Variants in IQCM observed in about 807,000 individuals in gnomAD.
The protein encoded by IQCM is IQ motif containing M, also known as IQ domain-containing protein M.
Under a neutral mutation model 57.6 loss-of-function variants are expected in IQCM, and 45 were observed. That is an observed-to-expected ratio of 0.78 (90% CI 0.62 to 1.00). The LOEUF (loss-of-function observed/expected upper bound fraction) is 1.00, where lower values mean the gene tolerates loss of function less well. IQCM is among the 50% of genes least tolerant of loss of function. The probability of loss-of-function intolerance (pLI) is 0.00; values close to 1 mark genes in which losing one functional copy is unlikely to be tolerated. For synonymous variants in IQCM, 148 were observed against 158.9 expected (o/e 0.93, Z 0.51); for missense variants, 468 against 511.6 (o/e 0.91, Z 0.82).
intron 7 of IQCM, among the ~76,000 whole-genome samples, chr4:149,658,639 C>T (rs1373068885): frequency 1.3e-5 from 2 of 152,040 alleles, no homozygotes. Flanking sequence ...TTTATTTGTG[C>T]CTTCCTCAAT....
At chr4:149,569,928 T>C (rs1750997246) in intron 9 of IQCM, among the ~76,000 whole-genome samples, 1 of 152,122 alleles carries the variant, frequency 6.6e-6, no homozygotes, top group South Asian at 2.1e-4. Context: ...GCTTTTTCTT[T>C]GAATCAATTT....
intron 12 of IQCM, among the ~76,000 whole-genome samples, chr4:149,453,814 C>A (rs1447924317): frequency 6.6e-6 from 1 of 151,748 alleles, no homozygotes; most frequent in Admixed American, 6.6e-5. Flanking sequence ...TTTGTCGGTT[C>A]TTCAGTATGC....
chr4:149,452,663 T>A (rs960265536), intron 12 of IQCM, among the ~76,000 whole-genome samples: 27 of 151,630 alleles, frequency 1.8e-4, no homozygotes, highest in Non-Finnish European at 4.0e-4. Context: ...TGTATACCCA[T>A]GAAACTATCA....
At chr4:149,384,056 A>G (rs1188593678) in intron 13 of IQCM, among the ~76,000 whole-genome samples, 1 of 152,182 alleles carries the variant, frequency 6.6e-6, no homozygotes, top group Non-Finnish European at 1.5e-5. Flanking sequence ...GATAAAAAGT[A>G]TATCTTCTCA....
intron 5 of IQCM, among the ~76,000 whole-genome samples, chr4:149,729,557 C>T (rs2149878881): frequency 6.6e-6 from 1 of 152,098 alleles, no homozygotes; most frequent in East Asian, 1.9e-4. Flanking sequence ...TCACTGCAAC[C>T]TCCGCTTCCC....
intron 7 of IQCM, among the ~76,000 whole-genome samples, chr4:149,646,531 G>T (rs1357852308): frequency 1.3e-5 from 2 of 152,008 alleles, no homozygotes; most frequent in Non-Finnish European, 1.5e-5. Flanking sequence ...GGACAAAAAA[G>T]ATATGTAAGC....
intron 13 of IQCM, among the ~76,000 whole-genome samples, chr4:149,364,038 G>C (rs1293513488): frequency 6.6e-6 from 1 of 152,026 alleles, no homozygotes; most frequent in Non-Finnish European, 1.5e-5. Flanking sequence ...AGAGACATAT[G>C]GTAAAGAAGA....
At chr4:149,445,194 T>C (rs933627509) in intron 12 of IQCM, among the ~76,000 whole-genome samples, 2 of 151,816 alleles carry the variant, frequency 1.3e-5, no homozygotes, top group Non-Finnish European at 2.9e-5. Context: ...TGTGGTCTTC[T>C]TGGTTCAAAG....
At chr4:149,520,737 A>T (rs1177161231) in intron 12 of IQCM, among the ~76,000 whole-genome samples, 1 of 152,204 alleles carries the variant, frequency 6.6e-6, no homozygotes, top group Non-Finnish European at 1.5e-5. Context: ...TACCATCTGG[A>T]TAATGCCAAG....
In IQCM at chr4:149,539,243, A is replaced by G. The variant is rs1427045894; in HGVS notation, c.1228+9212T>C. ...AGCAATAAGAAAGAATATAGTACTTAAAATATGTTACAACATGGATGAACT... is the reference window on the plus strand; with the variant it reads ...AGCAATAAGAAAGAATATAGTACTTGAAATATGTTACAACATGGATGAACT... On this transcript the variant is annotated intron_variant, in intron 12 of 13. Coordinates refer to ENST00000636793, the MANE Select transcript of IQCM (RefSeq NM_001363507.2). 2.0e-5 allele frequency among the ~76,000 whole-genome samples: 3 copies of G among 152,308 alleles called. No homozygotes were observed. In the East Asian group the frequency reaches 5.8e-4, roughly 29 times the overall value.
intron 12 of IQCM, among the ~76,000 whole-genome samples, chr4:149,522,456 A>T (rs1224686832): frequency 6.6e-5 from 10 of 152,232 alleles, no homozygotes; most frequent in South Asian, 6.2e-4. Context: ...ATAACGTAAG[A>T]AAACATACCA....
intron 12 of IQCM, among the ~76,000 whole-genome samples, chr4:149,442,038 T>C (rs766076895): frequency 2.6e-5 from 4 of 152,114 alleles, no homozygotes; most frequent in Non-Finnish European, 5.9e-5. Context: ...AAAATACCTA[T>C]CTGTTCCTTA....
At chr4:149,770,505 C>A (rs983065902) in intron 2 of IQCM, among the ~76,000 whole-genome samples, 1 of 152,016 alleles carries the variant, frequency 6.6e-6, no homozygotes, top group Non-Finnish European at 1.5e-5. Context: ...AACCTATGGA[C>A]GATATCCTTT....
intron 12 of IQCM, among the ~76,000 whole-genome samples, chr4:149,530,889 A>G (rs1746681442): frequency 6.7e-6 from 1 of 149,502 alleles, no homozygotes; most frequent in African/African-American, 2.5e-5. Flanking sequence ...AGAGAAATAG[A>G]GAGGCACAGA....
At chr4:149,728,427 A>AT (rs1365245778) in intron 5 of IQCM, among the ~76,000 whole-genome samples, 1 of 152,160 alleles carries the variant, frequency 6.6e-6, no homozygotes, top group African/African-American at 2.4e-5. Flanking sequence ...ATTTATGTCC[A>AT]TTTTTTCTCC....
chr4:149,764,805 G>A (rs557100874), intron 2 of IQCM, among the ~76,000 whole-genome samples: 53 of 152,080 alleles, frequency 3.5e-4, no homozygotes, highest in Admixed American at 5.2e-4. Flanking sequence ...ATGACAAGTC[G>A]CAAGCTATAT....
chr4:149,581,509 G>A (rs1263771821), intron 9 of IQCM, among the ~76,000 whole-genome samples: 1 of 151,470 alleles, frequency 6.6e-6, no homozygotes, highest in African/African-American at 2.4e-5. Flanking sequence ...GAAAGAACAG[G>A]AAGGAAGGAG....
At chr4:149,513,298 A>G (rs1354400086) in intron 12 of IQCM, among the ~76,000 whole-genome samples, 1 of 152,162 alleles carries the variant, frequency 6.6e-6, no homozygotes, top group Non-Finnish European at 1.5e-5. Flanking sequence ...CATCCTATTT[A>G]TAGTGCCCAA....
chr4:149,584,769 T>G (rs544231738), intron 9 of IQCM, among the ~76,000 whole-genome samples: 16 of 151,890 alleles, frequency 1.1e-4, no homozygotes, highest in Admixed American at 2.0e-4. Flanking sequence ...CAAATGAATT[T>G]GAAATTTGCT....
Sources: allele counts gnomAD v4.1 joint callset (sites outside exome capture counted in the v4.1 genomes callset), GRCh38; gene constraint gnomAD v4.1.1; transcripts MANE v1.5; gene names NCBI Gene and HGNC (gene_info 2026-07-23, HGNC 2026-07-21).